The following DAAM2 variants were observed in gnomAD, a reference collection of about 807,000 sequenced individuals.
The protein encoded by DAAM2 is dishevelled associated activator of morphogenesis 2.
Under a neutral mutation model 120.7 loss-of-function variants are expected in DAAM2, and 39 were observed. That is an observed-to-expected ratio of 0.32 (90% CI 0.25 to 0.42). The LOEUF (loss-of-function observed/expected upper bound fraction) is 0.42, where lower values mean the gene tolerates loss of function less well. Among genes scored for constraint, DAAM2 ranks in the 10% least tolerant of loss-of-function variants. The pLI, the probability that DAAM2 is intolerant of heterozygous loss-of-function variation, is 1.00. For synonymous variants in DAAM2, 488 were observed against 524.9 expected, an observed-to-expected ratio of 0.93 and a Z score of 0.96; for missense variants, 1,283 against 1,401.7, an observed-to-expected ratio of 0.92 and a Z score of 1.35.
rs370863199 is a variant in DAAM2 at position 39,904,486 on chromosome 6, A to ATAAGT, written c.*2451_*2455dup. On this transcript the variant is annotated 3_prime_UTR_variant, in exon 25 of 25. Coordinates refer to ENST00000274867, the MANE Select transcript of DAAM2 (RefSeq NM_001201427.2). Reference sequence around the variant, plus strand: ...TCCCCACTGCTCCTGCCACCTTTAGATAAGTTTCTCTAGCTAATTTTGTGG... The same window carrying ATAAGT: ...TCCCCACTGCTCCTGCCACCTTTAGATAAGTTAAGTTTCTCTAGCTAATTTTGTGG... 180 of 454,486 alleles carry ATAAGT rather than the reference A, an allele frequency of 4.0e-4. 2 individuals are homozygous for ATAAGT. Among genetic ancestry groups the ATAAGT allele is most frequent in the African/African-American group, 3.1e-3 (157 of 50,138 alleles). The allele number at this position is 454,486 out of a possible 1,614,324, so 28.2% of individuals were successfully genotyped here.
At chr6:39,851,272 C>T (rs547972789) in intron 1 of DAAM2, among the ~76,000 whole-genome samples, 24 of 152,310 alleles carry the variant, frequency 1.6e-4, no homozygotes, top group Admixed American at 9.1e-4. Context: ...TAGAGTCAGA[C>T]AGTCCTGGGT....
At chr6:39,860,614 C>G (rs1582688893) in intron 2 of DAAM2, among the ~76,000 whole-genome samples, 1 of 152,140 alleles carries the variant, frequency 6.6e-6, no homozygotes, top group Non-Finnish European at 1.5e-5. Context: ...CAGGAGCTAG[C>G]AAAGCAATGC....
intron 1 of DAAM2, chr6:39,822,589 T>G (rs1316810247): frequency 6.6e-6 from 1 of 152,212 alleles, no homozygotes; most frequent in East Asian, 1.9e-4. Flanking sequence ...TGCTAAAGGC[T>G]TTGCATCTCC....
At chr6:39,864,347 C>A (rs1188944654) in intron 3 of DAAM2, 86 bp from the exon 4 acceptor site, 3 of 1,031,364 alleles carry the variant, frequency 2.9e-6, no homozygotes, top group Non-Finnish European at 2.9e-6. Context: ...AAATGAATCC[C>A]TCTGCTGACA....
rs1357232736 is a variant in DAAM2 at position 39,879,317 on chromosome 6, C to T, written c.1685C>T (p.Pro562Leu). The T allele has an allele frequency of 1.3e-6, 2 of 1,588,766 alleles. No individual in the cohort carries two copies. Among genetic ancestry groups the T allele is most frequent in the African/African-American group, 2.7e-5 (2 of 74,494 alleles). ...CCTCCCCCACCACCACCCCTTCCTC[C>T]CGGGGGACCCCCGACTCCCCCAGGT... ...CPPPPPPPLPPGGPPTPPGAP... is the reference protein window; with the variant it reads ...CPPPPPPPLPLGGPPTPPGAP... Residue 562 changes from proline (P) to leucine (L), a missense_variant, in exon 14 of 25, where the codon CCC (proline) becomes CTC (leucine). Pro to Leu is a moderately conservative substitution (Grantham distance 98). Around this residue, in one of 3 missense-constraint regions of DAAM2, gnomAD observed 748 missense variants for 768.6 expected, o/e 0.97. Coordinates refer to ENST00000274867, the MANE Select transcript of DAAM2 (RefSeq NM_001201427.2).
chr6:39,902,892 T>G lies in DAAM2; in HGVS notation c.*855T>G, dbSNP rs1766573511. ...CTTTTGGGCATCTCCCATGTCCCCA[T>G]CTCCTGGACACCTGGCCATTGTTGT... is the stretch of plus-strand genomic sequence containing the variant. On this transcript the variant is annotated 3_prime_UTR_variant, in exon 25 of 25. Transcript: ENST00000274867. The G allele has an allele frequency of 6.6e-6, 1 of 152,266 alleles. No individual in the cohort carries two copies. Among genetic ancestry groups the G allele is most frequent in the Non-Finnish European group, 1.5e-5 (1 of 68,188 alleles). 9.4% of individuals were successfully genotyped at this position (152,266 alleles called of 1,614,324 possible).
At chr6:39,815,878 C>G (rs114570701) in intron 1 of DAAM2, among the ~76,000 whole-genome samples, 8 of 152,324 alleles carry the variant, frequency 5.3e-5, no homozygotes, top group Admixed American at 4.6e-4. Context: ...ACAGGTCCCC[C>G]TCTTTATTAT....
rs530387435 is a variant in DAAM2 at position 39,902,844 on chromosome 6, T to G, written c.*807T>G. On this transcript the variant is annotated 3_prime_UTR_variant, in exon 25 of 25. Transcript: ENST00000274867. ...TCTGGCGAGGGGCTCAAGACAGACCTCATGCATCACCACACCTCATGCCTT... is the reference window on the plus strand; with the variant it reads ...TCTGGCGAGGGGCTCAAGACAGACCGCATGCATCACCACACCTCATGCCTT... 37 of 152,466 alleles carry G rather than the reference T, an allele frequency of 2.4e-4. No individual in the cohort carries two copies. The highest frequency in any genetic ancestry group is 2.0e-3 in the Admixed American group (31 of 15,306). The allele number at this position is 152,466 out of a possible 1,614,324, so 9.4% of individuals were successfully genotyped here. A position where few individuals can be genotyped will look rare whatever the true frequency, so the allele number is the denominator to read the frequency against.
chr6:39,843,668 G>C (rs1229666527), intron 1 of DAAM2, among the ~76,000 whole-genome samples: 1 of 152,228 alleles, frequency 6.6e-6, no homozygotes, highest in Non-Finnish European at 1.5e-5. Flanking sequence ...GCCCTTCTGA[G>C]TGTGCCCAGC....
rs539909583 is a variant in DAAM2 at position 39,899,376 on chromosome 6, G to A, written c.2679+439G>A. Among the ~76,000 whole-genome samples the A allele has an allele frequency of 4.6e-5, 7 of 152,250 alleles. No homozygotes were observed. The South Asian group carries it at 1.0e-3, about 23-fold the overall frequency. ...CAGGTCTTTTGTTCCCACCATTCCC[G>A]TTCTGATGGCTTCTCGGCTGATACT... is the stretch of plus-strand genomic sequence containing the variant. On this transcript the variant is annotated intron_variant, in intron 22 of 24. Coordinates refer to ENST00000274867, the MANE Select transcript of DAAM2 (RefSeq NM_001201427.2).
chr6:39,822,088 G>C (rs1762509585), intron 1 of DAAM2: 1 of 152,524 alleles, frequency 6.6e-6, no homozygotes, highest in Non-Finnish European at 1.5e-5. Flanking sequence ...CTGCCTGGGG[G>C]GAGGCCCACG....
chr6:39,897,105 TCCTCTGAC>T (rs924679477), intron 20 of DAAM2, 62 bp from the exon 21 acceptor site: 32 of 1,521,890 alleles, frequency 2.1e-5, no homozygotes, highest in Admixed American at 1.5e-4. Context: ...TAACACTCCA[TCCTCTGAC>T]CCTCTGACCC....
At chr6:39,824,802 ATGGAATTTCTGT>A (rs1464723983) in intron 1 of DAAM2, among the ~76,000 whole-genome samples, 13 of 152,208 alleles carry the variant, frequency 8.5e-5, no homozygotes, top group Non-Finnish European at 1.5e-5. Context: ...GGTCCAGAGC[ATGGAATTTCTGT>A]TCCTCTTTCC....
intron 1 of DAAM2, among the ~76,000 whole-genome samples, chr6:39,846,977 C>A (rs974822790): frequency 2.0e-5 from 3 of 152,326 alleles, no homozygotes; most frequent in Non-Finnish European, 4.4e-5. Flanking sequence ...TCCCATCCTA[C>A]CCCCTAGTTA....
chr6:39,834,374 G>T (rs964761785), intron 1 of DAAM2, among the ~76,000 whole-genome samples: 4 of 152,126 alleles, frequency 2.6e-5, no homozygotes, highest in Non-Finnish European at 4.4e-5. Context: ...CTGCACTGGA[G>T]AAAAAGTGTG....
intron 1 of DAAM2, among the ~76,000 whole-genome samples, chr6:39,814,274 G>A (rs555116611): frequency 6.6e-6 from 1 of 151,182 alleles, no homozygotes; most frequent in Non-Finnish European, 1.5e-5. Flanking sequence ...CTTCCAGTGT[G>A]GCCCAGGGAA....
At chr6:39,795,162 G>A (rs1761663987) in intron 1 of DAAM2, among the ~76,000 whole-genome samples, 1 of 152,156 alleles carries the variant, frequency 6.6e-6, no homozygotes, top group African/African-American at 2.4e-5. Context: ...CAATCTTCTG[G>A]CCAGCTCTTT....
At chr6:39,864,954 GC>G in intron 4 of DAAM2, 25 bp from the exon 5 acceptor site, 1 of 1,581,276 alleles carries the variant, frequency 6.3e-7, no homozygotes, top group Non-Finnish European at 8.6e-7. Context: ...GAGACAGGCA[GC>G]CCCTTTCTAC....
In DAAM2 at chr6:39,887,578, C is replaced by G; in HGVS notation, c.2046C>G (p.Ile682Met). The G allele has an allele frequency of 1.2e-6, 2 of 1,612,718 alleles. No homozygotes were observed. Among genetic ancestry groups the G allele is most frequent in the Non-Finnish European group, 8.5e-7 (1 of 1,178,878 alleles). ...VIDGRRAQNC[I>M]ILLSKLKLSN... Reference sequence around the variant, plus strand: ...ATGGCCGGAGGGCCCAAAACTGCATCATCCTTCTTTCCAAGTATGTGCAAA... The same window carrying G: ...ATGGCCGGAGGGCCCAAAACTGCATGATCCTTCTTTCCAAGTATGTGCAAA... Residue 682 changes from isoleucine (I) to methionine (M), a missense_variant, in exon 16 of 25, where the codon ATC (isoleucine) becomes ATG (methionine). Coordinates refer to ENST00000274867, the MANE Select transcript of DAAM2 (RefSeq NM_001201427.2).
Sources: gnomAD v4.1 joint callset for allele counts (sites outside exome capture counted in the v4.1 genomes callset) on GRCh38, gnomAD v4.1.1 for gene constraint, gnomAD v4.1.1 regional missense constraint, MANE v1.5 for transcripts, NCBI Gene and HGNC (gene_info 2026-07-23, HGNC 2026-07-21) for gene names.